ERBB4: variants seen among roughly 807,000 people sequenced by gnomAD.
ERBB4 encodes erb-b2 receptor tyrosine kinase 4, also known as receptor tyrosine-protein kinase erbB-4.
In ERBB4, 42 loss-of-function variants were observed where a neutral mutation model predicts 158.0. That is an observed-to-expected ratio of 0.27 (90% CI 0.21 to 0.34). ERBB4 has a LOEUF of 0.34. Among genes scored for constraint, ERBB4 ranks in the 10% least tolerant of loss-of-function variants. ERBB4 has a pLI of 1.00. For missense variants in ERBB4, 1,333 were observed against 1,624.1 expected (o/e 0.82, Z 3.08); for synonymous variants, 583 against 558.7 (o/e 1.04, Z -0.61).
chr2:211,582,509 A>G (rs1559319796), intron 19 of ERBB4, among the ~76,000 whole-genome samples: 1 of 152,214 alleles, frequency 6.6e-6, no homozygotes, highest in Admixed American at 6.5e-5. Flanking sequence ...AAAGTTAAAA[A>G]ATAAAAATTT....
chr2:212,078,338 T>C (rs187962113), intron 2 of ERBB4, among the ~76,000 whole-genome samples: 1 of 152,116 alleles, frequency 6.6e-6, no homozygotes, highest in Admixed American at 6.6e-5. Flanking sequence ...AAACTATACC[T>C]CTAGTCCCGA....
At chr2:211,866,118 G>C (rs1303104884) in intron 3 of ERBB4, among the ~76,000 whole-genome samples, 1 of 152,100 alleles carries the variant, frequency 6.6e-6, no homozygotes, top group African/African-American at 2.4e-5. Flanking sequence ...TGGTGTGGTG[G>C]CAGGTGCCTG....
chr2:211,580,220 G>T (rs1442405313), intron 19 of ERBB4, among the ~76,000 whole-genome samples: 1 of 152,058 alleles, frequency 6.6e-6, no homozygotes, highest in East Asian at 1.9e-4. Flanking sequence ...CCACAGAGTG[G>T]GAGAAAATCT....
intron 1 of ERBB4, among the ~76,000 whole-genome samples, chr2:212,219,670 A>G (rs2083225559): frequency 6.6e-6 from 1 of 151,182 alleles, no homozygotes; most frequent in South Asian, 2.1e-4. Context: ...GAAAGAGCCA[A>G]TGGACAACTA....
chr2:211,469,706 G>C (rs1396396088), intron 20 of ERBB4, among the ~76,000 whole-genome samples: 1 of 152,142 alleles, frequency 6.6e-6, no homozygotes, highest in Non-Finnish European at 1.5e-5. Flanking sequence ...TGAAATCCTT[G>C]TCATAACTAA....
intron 1 of ERBB4, among the ~76,000 whole-genome samples, chr2:212,192,049 T>TTA (rs549273526): frequency 2.3e-5 from 1 of 43,930 alleles, no homozygotes; most frequent in South Asian, 1.3e-3. Context: ...TATATATATG[T>TTA]TATATGTTAT....
intron 16 of ERBB4, among the ~76,000 whole-genome samples, chr2:211,643,929 C>T (rs1173839057): frequency 1.3e-5 from 2 of 152,000 alleles, no homozygotes; most frequent in Non-Finnish European, 2.9e-5. Flanking sequence ...GTAAATGTTT[C>T]CTGAACTTAC....
intron 1 of ERBB4, among the ~76,000 whole-genome samples, chr2:212,384,758 T>A (rs1480800324): frequency 1.3e-5 from 2 of 151,380 alleles, no homozygotes; most frequent in South Asian, 2.1e-4. Context: ...TTTCTAAAGG[T>A]AATGGGAACC....
chr2:211,956,625 T>C (rs1269134094), intron 2 of ERBB4, among the ~76,000 whole-genome samples: 1 of 152,104 alleles, frequency 6.6e-6, no homozygotes, highest in Non-Finnish European at 1.5e-5. Flanking sequence ...AGATAATCAA[T>C]TTCATCATAT....
chr2:211,482,253 T>C (rs948000963), intron 20 of ERBB4, among the ~76,000 whole-genome samples: 1 of 152,184 alleles, frequency 6.6e-6, no homozygotes, highest in African/African-American at 2.4e-5. Flanking sequence ...AAATTTATTA[T>C]AAGAAAAAGT....
intron 3 of ERBB4, among the ~76,000 whole-genome samples, chr2:211,841,397 T>C (rs13000796): frequency 0.22 from 32,923 of 151,818 alleles, 3,657 homozygotes; most frequent in South Asian, 0.33. Context: ...GGTTCTGAAA[T>C]ATTGTGCCTG....
chr2:211,528,572 AT>A (rs1251241695), intron 20 of ERBB4, among the ~76,000 whole-genome samples: 1 of 152,070 alleles, frequency 6.6e-6, no homozygotes, highest in Non-Finnish European at 1.5e-5. Context: ...TTTCCTCAGC[AT>A]ACAAATTATT....
chr2:212,374,193 T>C (rs2090240478), intron 1 of ERBB4, among the ~76,000 whole-genome samples: 1 of 150,578 alleles, frequency 6.6e-6, no homozygotes, highest in Non-Finnish European at 1.5e-5. Context: ...AGATAGACAT[T>C]ATTCAGTGGC....
At chr2:211,824,231 A>T (rs550710809) in intron 3 of ERBB4, among the ~76,000 whole-genome samples, 1 of 152,096 alleles carries the variant, frequency 6.6e-6, no homozygotes, top group East Asian at 1.9e-4. Context: ...TTCTCAGCTA[A>T]TTGCTTTCGA....
chr2:212,225,915 T>C (rs2083452756), intron 1 of ERBB4, among the ~76,000 whole-genome samples: 1 of 152,104 alleles, frequency 6.6e-6, no homozygotes, highest in Admixed American at 6.6e-5. Context: ...TACACTGTAG[T>C]TTCATTCCCA....
rs67216333 is a variant in ERBB4, at chr2:212,384,890, A to AATATATATATATAT, written c.82+153545_82+153558dup. ...TTGTTCTTAAATTCCATGTTTGTGGAATATATATATATATATATATATATA... is the reference window on the plus strand; with the variant it reads ...TTGTTCTTAAATTCCATGTTTGTGGAATATATATATATATATATATATATATATATATATATATA... On this transcript the variant is annotated intron_variant, in intron 1 of 27. Coordinates refer to ENST00000342788, the MANE Select transcript of ERBB4 (RefSeq NM_005235.3). 1.3e-3 allele frequency among the ~76,000 whole-genome samples: 162 copies of AATATATATATATAT among 123,132 alleles called. 2 individuals carry two copies. The highest frequency in any genetic ancestry group is 4.3e-3 in the African/African-American group (134 of 31,332). The allele number at this position is 123,132 out of a possible 152,430, so 80.8% of individuals were successfully genotyped here.
rs971976268 is a variant in ERBB4 at position 211,379,972 on chromosome 2, G to A, written c.*3643C>T. 2 of 231,856 alleles carry A rather than the reference G, an allele frequency of 8.6e-6. No individual in the cohort carries two copies. The highest frequency in any genetic ancestry group is 8.5e-6 in the Non-Finnish European group (1 of 117,376). 14.4% of individuals were successfully genotyped at this position (231,856 alleles called of 1,614,324 possible). On this transcript the variant is annotated 3_prime_UTR_variant, in exon 28 of 28. Coordinates refer to ENST00000342788, the MANE Select transcript of ERBB4 (RefSeq NM_005235.3). ...TCTTGATTTTTCCTTAGCATTGTAAGTATGCACAATCTTCATGCCATGTCT... is the reference window on the plus strand; with the variant it reads ...TCTTGATTTTTCCTTAGCATTGTAAATATGCACAATCTTCATGCCATGTCT...
intron 1 of ERBB4, among the ~76,000 whole-genome samples, chr2:212,147,157 A>ATTTT (rs71397161): frequency 0.11 from 3,876 of 34,210 alleles, 806 homozygotes; most frequent in Non-Finnish European, 0.15. Context: ...TGCCCAGCTA[A>ATTTT]TTTTTTTTTT....
chr2:211,692,370 T>C (rs1221112506), intron 12 of ERBB4, among the ~76,000 whole-genome samples: 3 of 152,210 alleles, frequency 2.0e-5, no homozygotes, highest in Non-Finnish European at 4.4e-5. Context: ...TGGGTTGGAC[T>C]TATATCACTA....
Sources: allele counts gnomAD v4.1 joint callset (sites outside exome capture counted in the v4.1 genomes callset), GRCh38; gene constraint gnomAD v4.1.1; transcripts MANE v1.5; gene names NCBI Gene and HGNC (gene_info 2026-07-23, HGNC 2026-07-21).